LGALS8: variants seen among roughly 807,000 people sequenced by gnomAD.
The protein encoded by LGALS8 is galectin-8.
LGALS8 carries 30 observed loss-of-function variants against 35.9 expected under a neutral mutation model. That is an observed-to-expected ratio of 0.83 (90% confidence interval 0.62 to 1.13). The LOEUF (loss-of-function observed/expected upper bound fraction) is 1.13, where lower values mean the gene tolerates loss of function less well. Ranked by LOEUF, LGALS8 falls within the 50% of genes most tolerant of loss-of-function variation. LGALS8 has a pLI of 0.00. For missense variants in LGALS8, 366 were observed against 388.7 expected (o/e 0.94, Z 0.49); for synonymous variants, 138 against 136.1 (o/e 1.01, Z -0.10).
At chr1:236,545,966 G>C (rs540134359) in intron 9 of LGALS8, among the ~76,000 whole-genome samples, 40 of 152,314 alleles carry the variant, frequency 2.6e-4, no homozygotes, top group South Asian at 6.2e-4. Context: ...ACAGAGGTGA[G>C]TGCTCTAGAA....
chr1:236,528,341 C>T (rs1271019877), intron 2 of LGALS8, among the ~76,000 whole-genome samples: 1 of 149,482 alleles, frequency 6.7e-6, no homozygotes, highest in Non-Finnish European at 1.5e-5. Context: ...GAGATGGTGC[C>T]ACTGCACTCC....
intron 9 of LGALS8, among the ~76,000 whole-genome samples, chr1:236,547,248 G>T (rs1413939318): frequency 6.6e-6 from 1 of 152,220 alleles, no homozygotes; most frequent in Non-Finnish European, 1.5e-5. Context: ...GAAGTATGAA[G>T]TGTAGGTGTA....
upstream of LGALS8, chr1:236,523,218 T>A (rs1250835816): frequency 6.6e-6 from 1 of 152,222 alleles, no homozygotes; most frequent in Non-Finnish European, 1.5e-5. Flanking sequence ...TGCTCCATAC[T>A]GCTTAAACTG....
At position 236,551,497 on chromosome 1, in the gene LGALS8, T is replaced by C. The variant is rs1332152231; in HGVS notation, c.*3336T>C. The C allele has an allele frequency of 1.9e-5, 3 of 158,774 alleles. No homozygotes were observed. The highest frequency in any genetic ancestry group is 1.9e-4 in the Admixed American group (3 of 16,124). 9.8% of individuals were successfully genotyped at this position (158,774 alleles called of 1,614,324 possible). A position where few individuals can be genotyped will look rare whatever the true frequency, so the allele number is the denominator to read the frequency against. Reference sequence around the variant, plus strand: ...TAACTGAAATCTTTTAAGCCTCTAGTTTCTTCCTTTGTAAAACAGAGATAA... The same window carrying C: ...TAACTGAAATCTTTTAAGCCTCTAGCTTCTTCCTTTGTAAAACAGAGATAA... On this transcript the variant is annotated 3_prime_UTR_variant, in exon 10 of 10. Coordinates refer to ENST00000366584, the MANE Select transcript of LGALS8 (RefSeq NM_201544.4).
upstream of LGALS8, among the ~76,000 whole-genome samples, chr1:236,519,108 C>G (rs1478812007): frequency 1.3e-5 from 2 of 151,788 alleles, no homozygotes; most frequent in Non-Finnish European, 2.9e-5. Flanking sequence ...CTTAATTTTG[C>G]CTGGGTATGG....
intron 2 of LGALS8, among the ~76,000 whole-genome samples, chr1:236,535,791 G>T (rs769037627): frequency 3.3e-5 from 5 of 152,206 alleles, no homozygotes; most frequent in Admixed American, 3.3e-4. Flanking sequence ...ATTGGCTTCC[G>T]TAATTTCTCA....
At position 236,546,618 on chromosome 1, in the gene LGALS8, G is replaced by A. The variant is rs534318914; in HGVS notation, c.805-1394G>A. On this transcript the variant is annotated intron_variant, in intron 9 of 9. Coordinates refer to ENST00000366584, the MANE Select transcript of LGALS8 (RefSeq NM_201544.4). The stretch of plus-strand genomic sequence containing the variant: ...CTGTTTTCTTCTAGGCAAAGGATGT[G>A]CCTTCTTTTCATTTGCAGTAGTCTG... 2.6e-5 allele frequency among the ~76,000 whole-genome samples: 4 copies of A among 152,310 alleles called. No homozygotes were observed. The South Asian group carries it at 6.2e-4, about 24-fold the overall frequency.
At position 236,540,268 on chromosome 1, in the gene LGALS8, G is replaced by C. The variant is rs546737714; in HGVS notation, c.346-296G>C. On this transcript the variant is annotated intron_variant, in intron 4 of 9. Coordinates refer to ENST00000366584, the MANE Select transcript of LGALS8 (RefSeq NM_201544.4). ...GGCTTCCAGGCGACCTTCGAACCCA[G>C]ATGTCTCACATGTATGCAGAGGCGC... 1.2e-4 allele frequency: 32 copies of C among 277,692 alleles called. 1 individual carries two copies. In the East Asian group the frequency reaches 1.4e-3, roughly 12 times the overall value. 17.2% of individuals were successfully genotyped at this position (277,692 alleles called of 1,614,324 possible).
upstream of LGALS8, among the ~76,000 whole-genome samples, chr1:236,521,954 C>T (rs75525330): frequency 1.5e-3 from 230 of 152,140 alleles, 1 homozygote; most frequent in African/African-American, 5.0e-3. Flanking sequence ...ATAGGGAGAC[C>T]GATTAGGATA....
chr1:236,519,868 T>C (rs1660502115), upstream of LGALS8, among the ~76,000 whole-genome samples: 1 of 152,016 alleles, frequency 6.6e-6, no homozygotes, highest in Non-Finnish European at 1.5e-5. Flanking sequence ...CTTGCAAACA[T>C]TTTAGTGGAC....
In LGALS8 at chr1:236,549,147, C is replaced by T. The variant is rs1572024891; in HGVS notation, c.*986C>T. The stretch of plus-strand genomic sequence containing the variant: ...AGGTAATGCAGAAATCTGTTTTGTT[C>T]CCATGAAATCACCAATCAAGGCCTC... On this transcript the variant is annotated 3_prime_UTR_variant, in exon 10 of 10. Coordinates refer to ENST00000366584, the MANE Select transcript of LGALS8 (RefSeq NM_201544.4). The T allele has an allele frequency of 5.0e-6, 2 of 396,156 alleles. No homozygotes were observed. Among genetic ancestry groups the T allele is most frequent in the East Asian group, 7.1e-5 (2 of 28,016 alleles). The allele number at this position is 396,156 out of a possible 1,614,324, so 24.5% of individuals were successfully genotyped here.
At chr1:236,528,916 A>AT (rs1044062702) in intron 2 of LGALS8, among the ~76,000 whole-genome samples, 1 of 152,078 alleles carries the variant, frequency 6.6e-6, no homozygotes, top group African/African-American at 2.4e-5. Context: ...TGGCCTATGT[A>AT]TTTTTTTCCC....
Position 236,526,878 on chromosome 1 carries a change from T to C in LGALS8, c.45+763T>C, listed in dbSNP as rs1247750060. Among the ~76,000 whole-genome samples the C allele has an allele frequency of 6.6e-6, 1 of 152,138 alleles. No individual in the cohort carries two copies. The highest frequency in any genetic ancestry group is 2.4e-5 in the African/African-American group (1 of 41,410). On this transcript the variant is annotated intron_variant, in intron 2 of 9. Coordinates refer to ENST00000366584, the MANE Select transcript of LGALS8 (RefSeq NM_201544.4). The surrounding 1 kb of genome is among the most constrained non-coding windows in gnomAD (Gnocchi z 4.6). ...TTTTGTTAGTGTGTGTGGGTTCAAG[T>C]TTTTGTCATTTACTTTATAGCTGTA... is the stretch of plus-strand genomic sequence containing the variant.
At position 236,526,921 on chromosome 1, in the gene LGALS8, T is replaced by C. The variant is rs1036075143; in HGVS notation, c.45+806T>C. On this transcript the variant is annotated intron_variant, in intron 2 of 9. Transcript: ENST00000366584. The surrounding 1 kb of genome is among the most constrained non-coding windows in gnomAD (Gnocchi z 4.6). ...TAGCTGTATTTCCTTTTTCCCTAAG[T>C]TTTAATGTCATTGTGTAAGAATGAG... is the stretch of plus-strand genomic sequence containing the variant. Among the ~76,000 whole-genome samples, 2 of 152,204 alleles carry C rather than the reference T, an allele frequency of 1.3e-5. No homozygotes were observed. The highest frequency in any genetic ancestry group is 4.8e-5 in the African/African-American group (2 of 41,438).
chr1:236,534,402 C>T (rs1661339052), intron 2 of LGALS8, among the ~76,000 whole-genome samples: 1 of 152,160 alleles, frequency 6.6e-6, no homozygotes, highest in African/African-American at 2.4e-5. Flanking sequence ...TAACAGCAAA[C>T]CTGACTGTGG....
chr1:236,543,304 T>C (rs1200376539), intron 7 of LGALS8: 3 of 646,306 alleles, frequency 4.6e-6, no homozygotes, highest in Admixed American at 4.4e-5. Context: ...TCCTGGCGTG[T>C]TTCACTCATA....
At position 236,550,112 on chromosome 1, in the gene LGALS8, G is replaced by A. The variant is rs1662656591; in HGVS notation, c.*1951G>A. The A allele has an allele frequency of 6.6e-6, 1 of 152,086 alleles. No individual in the cohort carries two copies. 9.4% of individuals were successfully genotyped at this position (152,086 alleles called of 1,614,324 possible). ...GTACTAGAGATTAGGGCACTTCAAA[G>A]CATTGAAAAAAATCTACTGATACTT... is the stretch of plus-strand genomic sequence containing the variant. On this transcript the variant is annotated 3_prime_UTR_variant, in exon 10 of 10. Transcript: ENST00000366584.
In LGALS8 at chr1:236,526,022, CTT is replaced by C. The variant is rs777646860; in HGVS notation, c.-48_-47del. The C allele has an allele frequency of 1.3e-6, 2 of 1,506,094 alleles. No homozygotes were observed. Among genetic ancestry groups the C allele is most frequent in the South Asian group, 2.3e-5 (2 of 88,248 alleles). 93.3% of individuals were successfully genotyped at this position (1,506,094 alleles called of 1,614,324 possible). On this transcript the variant is annotated 5_prime_UTR_variant, in exon 2 of 10. Transcript: ENST00000366584. This position sits in a 1 kb window ranked among gnomAD's most constrained non-coding sequence, Gnocchi z 4.6. ...CCTTTAAATGAAACTTGCCTAAAATCTTAGGTCATACACAGAAGAGACTCCAA... is the reference window on the plus strand; with the variant it reads ...CCTTTAAATGAAACTTGCCTAAAATCAGGTCATACACAGAAGAGACTCCAA...
At chr1:236,523,392 T>C (rs1387892058), upstream of LGALS8, 1 of 153,610 alleles carries the variant, frequency 6.5e-6, no homozygotes, top group African/African-American at 2.4e-5. Flanking sequence ...CATACAGAGG[T>C]GTGTACTGTC....
Sources: gnomAD v4.1 joint callset for allele counts (sites outside exome capture counted in the v4.1 genomes callset) on GRCh38, gnomAD v4.1.1 for gene constraint, Gnocchi (gnomAD v3.1) non-coding constraint, MANE v1.5 for transcripts, NCBI Gene and HGNC (gene_info 2026-07-23, HGNC 2026-07-21) for gene names.